Variants in CEP192 observed in about 807,000 individuals in gnomAD.
CEP192 encodes the protein centrosomal protein of 192 kDa.
In CEP192, 151 loss-of-function variants were observed where a neutral mutation model predicts 271.8. That is an observed-to-expected ratio of 0.56 (90% CI 0.49 to 0.64). The LOEUF is 0.64. Among genes scored for constraint, CEP192 ranks in the 30% least tolerant of loss-of-function variants. The pLI is 0.00. For synonymous variants in CEP192, 995 were observed against 1,076.5 expected (o/e 0.92, Z 1.48); for missense variants, 2,910 against 3,020.5 (o/e 0.96, Z 0.86).
At chr18:13,113,481 T>G in intron 40 of CEP192, 105 bp from the exon 41 acceptor site, 1 of 1,130,392 alleles carries the variant, frequency 8.8e-7, no homozygotes, top group Non-Finnish European at 1.3e-6. Flanking sequence ...TGCAAAAGCA[T>G]TTGTTCCTTT....
chr18:13,101,298 A>G (rs1248372144), intron 38 of CEP192, among the ~76,000 whole-genome samples: 2 of 152,196 alleles, frequency 1.3e-5, no homozygotes, highest in Non-Finnish European at 2.9e-5. Context: ...GGGCTCAGGT[A>G]GGTGTTCTCA....
At chr18:13,017,959 T>C (rs1259487957) in intron 7 of CEP192, among the ~76,000 whole-genome samples, 1 of 152,192 alleles carries the variant, frequency 6.6e-6, no homozygotes, top group Non-Finnish European at 1.5e-5. Context: ...CTTTGTTTTG[T>C]AGAGTGAACT....
intron 40 of CEP192, among the ~76,000 whole-genome samples, chr18:13,113,105 T>C (rs1373773315): frequency 6.6e-6 from 1 of 152,248 alleles, no homozygotes; most frequent in Non-Finnish European, 1.5e-5. Flanking sequence ...GCTGCCACTG[T>C]GGAGCGTCTG....
chr18:13,111,135 G>T (rs1435947820), intron 40 of CEP192, among the ~76,000 whole-genome samples: 1 of 152,078 alleles, frequency 6.6e-6, no homozygotes, highest in East Asian at 1.9e-4. Flanking sequence ...GGGTTTTGTT[G>T]TTGTTTTGAG....
At chr18:13,021,050 G>A (rs1239130949) in intron 9 of CEP192, among the ~76,000 whole-genome samples, 2 of 151,922 alleles carry the variant, frequency 1.3e-5, no homozygotes, top group Non-Finnish European at 2.9e-5. Context: ...GTCCTTTCAC[G>A]TGCAAAAATT....
chr18:13,004,000 AC>A (rs2145827242), intron 3 of CEP192, among the ~76,000 whole-genome samples: 1 of 152,286 alleles, frequency 6.6e-6, no homozygotes, highest in East Asian at 1.9e-4. Flanking sequence ...GAAGGAGAAA[AC>A]AAGCATCCTG....
intron 32 of CEP192, among the ~76,000 whole-genome samples, chr18:13,088,564 A>C (rs147451674): frequency 8.4e-4 from 128 of 152,348 alleles, no homozygotes; most frequent in African/African-American, 3.0e-3. Context: ...TCTTATTGTA[A>C]AGTGTAGCTT....
intron 36 of CEP192, among the ~76,000 whole-genome samples, chr18:13,097,452 G>A (rs942163817): frequency 2.6e-5 from 4 of 151,774 alleles, no homozygotes; most frequent in South Asian, 2.1e-4. Context: ...CCATCTCCCC[G>A]ACCCTTTTTT....
chr18:13,006,302 A>G (rs946630912), intron 3 of CEP192, among the ~76,000 whole-genome samples: 1 of 150,148 alleles, frequency 6.7e-6, no homozygotes, highest in Non-Finnish European at 1.5e-5. Flanking sequence ...CTTTTTGTGG[A>G]TGTACACTTG....
intron 30 of CEP192, among the ~76,000 whole-genome samples, chr18:13,080,216 A>G (rs1248125527): frequency 2.6e-5 from 4 of 152,112 alleles, no homozygotes; most frequent in Admixed American, 1.3e-4. Context: ...GAATCTCTAA[A>G]TTACCTTGGG....
rs1386787254 is a variant in CEP192 at position 13,053,074 on chromosome 18, C to T, written c.3173C>T (p.Ala1058Val). The change falls in exon 18 of 45, where the codon GCC becomes GTC. Residue 1058 changes from alanine to valine, a missense_variant. Coordinates refer to ENST00000506447, the MANE Select transcript of CEP192 (RefSeq NM_032142.4). The part of the protein sequence containing the change: ...SSYPTTATDD[A>V]LEDRKSDITS... ...TATCCTACCACAGCCACAGATGATG[C>T]CCTGGAGGACCGCAAGGTGGGCAGC... 6.2e-7 allele frequency: 1 copy of T among 1,605,918 alleles called. No homozygotes were observed. Among genetic ancestry groups the T allele is most frequent in the Admixed American group, 1.7e-5 (1 of 58,010 alleles).
chr18:13,029,853 C>T lies in CEP192; in HGVS notation c.1241C>T (p.Thr414Ile), dbSNP rs761989580. ...ATGGATGGATGTTTAGACACTGAGA[C>T]TCCTACGGTGTCCATTCAAGAAAAT... ...LHMDGCLDTE[T>I]PTVSIQENVD... Residue 414 changes from threonine (T) to isoleucine (I), a missense_variant, in exon 10 of 45, where the codon ACT becomes ATT. Coordinates refer to ENST00000506447, the MANE Select transcript of CEP192 (RefSeq NM_032142.4). 7.1e-5 allele frequency: 110 copies of T among 1,551,528 alleles called. No individual in the cohort carries two copies. The highest frequency in any genetic ancestry group is 9.2e-5 in the Non-Finnish European group (106 of 1,146,946).
At chr18:13,039,374 G>A (rs1024732910) in intron 13 of CEP192, among the ~76,000 whole-genome samples, 2 of 151,300 alleles carry the variant, frequency 1.3e-5, no homozygotes, top group South Asian at 2.1e-4. Context: ...AGAATTGCTC[G>A]AACCCAGGAG....
intron 30 of CEP192, among the ~76,000 whole-genome samples, chr18:13,086,225 T>C (rs925993368): frequency 3.9e-5 from 6 of 152,242 alleles, no homozygotes; most frequent in African/African-American, 1.2e-4. Flanking sequence ...TTTTCACACA[T>C]TGACTTTGTG....
At chr18:13,022,834 A>G (rs756678857) in intron 9 of CEP192, among the ~76,000 whole-genome samples, 1 of 152,142 alleles carries the variant, frequency 6.6e-6, no homozygotes, top group Admixed American at 6.5e-5. Context: ...ATATCTCTCT[A>G]TTTATTTGGT....
Position 13,019,224 on chromosome 18 carries a change from C to A in CEP192, c.1050+18C>A. 1 of 1,469,258 alleles carries A rather than the reference C, an allele frequency of 6.8e-7. No individual in the cohort carries two copies. Among genetic ancestry groups the A allele is most frequent in the South Asian group, 1.4e-5 (1 of 71,056 alleles). 91.0% of individuals were successfully genotyped at this position (1,469,258 alleles called of 1,614,324 possible). A position where few individuals can be genotyped will look rare whatever the true frequency, so the allele number is the denominator to read the frequency against. On this transcript the variant is annotated intron_variant, in intron 9 of 44. Coordinates refer to ENST00000506447, the MANE Select transcript of CEP192 (RefSeq NM_032142.4). ...TTAACAGTGTAAGTTATGCATTTTT[C>A]TTAGATTTCCTATAAAAAAAGGAAT...
chr18:13,056,887 T>TA (rs1166009666), intron 19 of CEP192, among the ~76,000 whole-genome samples, 189 bp downstream of exon 19: 7 of 152,350 alleles, frequency 4.6e-5, no homozygotes, highest in Middle Eastern at 6.8e-3. Flanking sequence ...ACGCTACACT[T>TA]ATGCAGGTGA....
intron 32 of CEP192, chr18:13,089,001 T>C: frequency 2.6e-6 from 1 of 379,982 alleles, no homozygotes. Context: ...GAGATTTTTT[T>C]TGTGGACATC....
intron 21 of CEP192, among the ~76,000 whole-genome samples, chr18:13,060,731 T>G (rs1277347104): frequency 6.6e-6 from 1 of 152,078 alleles, no homozygotes; most frequent in African/African-American, 2.4e-5. Flanking sequence ...GAGACCAGCC[T>G]GGACAACATA....
Sources: gnomAD v4.1 joint callset for allele counts (sites outside exome capture counted in the v4.1 genomes callset) on GRCh38, gnomAD v4.1.1 for gene constraint, MANE v1.5 for transcripts, NCBI Gene and HGNC (gene_info 2026-07-23, HGNC 2026-07-21) for gene names.